The following RREB1 variants were observed in gnomAD, a reference collection of about 807,000 sequenced individuals.
RREB1 encodes the protein ras-responsive element-binding protein 1.
RREB1 carries 27 observed loss-of-function variants against 117.8 expected under a neutral mutation model. That is an observed-to-expected ratio of 0.23 (90% confidence interval 0.17 to 0.32). RREB1 has a LOEUF of 0.32. Ranked by LOEUF, RREB1 falls within the 10% of genes least tolerant of loss-of-function variation. The pLI is 1.00. For missense variants in RREB1, 2,577 were observed against 2,378.2 expected (o/e 1.08, Z -1.74); for synonymous variants, 1,298 against 1,026.7 (o/e 1.26, Z -5.05).
At chr6:7,228,262 T>C (rs1767701807) in intron 9 of RREB1, among the ~76,000 whole-genome samples, 1 of 151,804 alleles carries the variant, frequency 6.6e-6, no homozygotes, top group Admixed American at 6.6e-5. Context: ...TCCACAATCA[T>C]AGAGGGGTAG....
chr6:7,110,269 G>T (rs953618079), intron 1 of RREB1, among the ~76,000 whole-genome samples: 11 of 152,170 alleles, frequency 7.2e-5, no homozygotes, highest in Non-Finnish European at 1.5e-4. Context: ...TAGATTTGGT[G>T]CTTTTTCAAG....
chr6:7,241,101 G>A (rs1768679985), intron 11 of RREB1, among the ~76,000 whole-genome samples: 1 of 152,132 alleles, frequency 6.6e-6, no homozygotes, highest in Non-Finnish European at 1.5e-5. Flanking sequence ...TCTTCCCGGT[G>A]TAAGACTGTC....
chr6:7,123,610 CT>C lies in RREB1; in HGVS notation c.-285+15568del, dbSNP rs5874079. Among the ~76,000 whole-genome samples, 351 of 122,846 alleles carry C rather than the reference CT, an allele frequency of 2.9e-3. 2 individuals carry two copies. The highest frequency in any genetic ancestry group is 6.4e-3 in the East Asian group (29 of 4,518). 80.6% of individuals were successfully genotyped at this position (122,846 alleles called of 152,430 possible). A position where few individuals can be genotyped will look rare whatever the true frequency, so the allele number is the denominator to read the frequency against. On this transcript the variant is annotated intron_variant, in intron 1 of 12. Transcript: ENST00000379938. ...AGTTAGGCCAGGCCATGTGATGTGTCTTTTTTTTTTTTTTTTTTGAGATGGA... is the reference window on the plus strand; with the variant it reads ...AGTTAGGCCAGGCCATGTGATGTGTCTTTTTTTTTTTTTTTTTGAGATGGA...
chr6:7,210,300 G>T (rs1399270440), intron 6 of RREB1, among the ~76,000 whole-genome samples: 12 of 152,188 alleles, frequency 7.9e-5, no homozygotes, highest in African/African-American at 2.9e-4. Flanking sequence ...CTGGACATTT[G>T]CTCTGTTAGC....
Position 7,189,267 on chromosome 6 carries a change from C to G in RREB1, c.370C>G (p.Pro124Ala). 1 of 1,607,322 alleles carries G rather than the reference C, an allele frequency of 6.2e-7. No homozygotes were observed. The highest frequency in any genetic ancestry group is 8.5e-7 in the Non-Finnish European group (1 of 1,176,536). ...CATGCTGGTGCACTCTGGCGAGAGG[C>G]CTTACAAGTGCACTGTGTGTGGCCA... Reference protein sequence around the residue: ...RHMLVHSGERPYKCTVCGQSF... With the variant: ...RHMLVHSGERAYKCTVCGQSF... Residue 124 changes from proline (P) to alanine (A), a missense_variant, in exon 6 of 13, where the codon CCT (proline) becomes GCT (alanine). Coordinates refer to ENST00000379938, the MANE Select transcript of RREB1 (RefSeq NM_001003699.4).
At chr6:7,184,363 A>G (rs2113537905) in intron 4 of RREB1, 1 of 150,772 alleles carries the variant, frequency 6.6e-6, no homozygotes, top group East Asian at 1.9e-4. Context: ...CATAAACTAT[A>G]CAGCTAATGT....
Position 7,230,139 on chromosome 6 carries a change from C to T in RREB1, c.2040C>T (p.Ala680=), listed in dbSNP as rs368458629. 6.9e-6 allele frequency: 11 copies of T among 1,604,840 alleles called. No homozygotes were observed. Among genetic ancestry groups the T allele is most frequent in the African/African-American group, 6.7e-5 (5 of 74,866 alleles). ...PYQCNICDYI[A]ADKAALIRHL... is the part of the protein sequence containing the mutation. ...AGTGCAACATCTGCGACTACATCGC[C>T]GCCGACAAGGCCGCGCTCATCCGCC... Residue 680 remains alanine (A), a synonymous_variant, in exon 10 of 13, where the codon GCC becomes GCT. Coordinates refer to ENST00000379938, the MANE Select transcript of RREB1 (RefSeq NM_001003699.4).
intron 1 of RREB1, among the ~76,000 whole-genome samples, chr6:7,120,065 T>C (rs1393515422): frequency 6.6e-6 from 1 of 152,106 alleles, no homozygotes; most frequent in African/African-American, 2.4e-5. Flanking sequence ...GTTCTCTACC[T>C]TTTAAAGAGC....
chr6:7,108,388 A>C (rs1760940303), intron 1 of RREB1, among the ~76,000 whole-genome samples: 1 of 150,314 alleles, frequency 6.7e-6, no homozygotes. Context: ...TCTGCCAACC[A>C]GCTCCCAGCG....
intron 1 of RREB1, among the ~76,000 whole-genome samples, chr6:7,161,423 T>A (rs1210494601): frequency 6.6e-6 from 1 of 152,192 alleles, no homozygotes. Context: ...AATTAAAGAC[T>A]GCAGATGTTC....
chr6:7,124,652 C>CT (rs1272441121), intron 1 of RREB1, among the ~76,000 whole-genome samples: 5 of 152,220 alleles, frequency 3.3e-5, no homozygotes, highest in African/African-American at 4.8e-5. Flanking sequence ...GGTTGTTAGG[C>CT]TTTTCATGTA....
At chr6:7,238,284 C>G (rs1204940302) in intron 10 of RREB1, among the ~76,000 whole-genome samples, 7 of 152,224 alleles carry the variant, frequency 4.6e-5, no homozygotes, top group African/African-American at 1.7e-4. Flanking sequence ...GTCGCCCAGG[C>G]TAGAGTGCAG....
In RREB1 at chr6:7,246,495, C is replaced by A; in HGVS notation, c.4045C>A (p.Gln1349Lys). 6.5e-7 allele frequency: 1 copy of A among 1,543,542 alleles called. No individual in the cohort carries two copies. Among genetic ancestry groups the A allele is most frequent in the South Asian group, 1.2e-5 (1 of 83,838 alleles). ...AGACCTCACCTCACGGGACAGAGAGCAGCCGTCGGAGGGCGCCACTGAGCT... is the reference window on the plus strand; with the variant it reads ...AGACCTCACCTCACGGGACAGAGAGAAGCCGTCGGAGGGCGCCACTGAGCT... ...VLDLTSRDREQPSEGATELRQ... is the reference protein window; with the variant it reads ...VLDLTSRDREKPSEGATELRQ... Residue 1349 changes from glutamine (Q) to lysine (K), a missense_variant, in exon 12 of 13, where the codon CAG becomes AAG. By Grantham distance (53) the Gln-to-Lys change is moderately conservative (BLOSUM62 1). Coordinates refer to ENST00000379938, the MANE Select transcript of RREB1 (RefSeq NM_001003699.4).
intron 1 of RREB1, among the ~76,000 whole-genome samples, chr6:7,128,160 G>A (rs77646868): frequency 0.041 from 6,214 of 152,210 alleles, 171 homozygotes; most frequent in Middle Eastern, 0.068. Context: ...ATGGGGGTAG[G>A]CCTCCTGTAA....
chr6:7,192,092 A>G (rs1765430964), intron 6 of RREB1, among the ~76,000 whole-genome samples: 1 of 138,584 alleles, frequency 7.2e-6, no homozygotes, highest in African/African-American at 2.8e-5. Context: ...TTTATTATGA[A>G]AAGGTATTGG....
chr6:7,139,578 C>G (rs2113379129), intron 1 of RREB1, among the ~76,000 whole-genome samples: 1 of 152,134 alleles, frequency 6.6e-6, no homozygotes, highest in East Asian at 1.9e-4. Context: ...TGTAGCTATT[C>G]AAACAAATAA....
In RREB1 at chr6:7,230,193, C is replaced by G. The variant is rs115313893; in HGVS notation, c.2094C>G (p.Pro698=). ...RHLRTHSGER[P]YICKICHYPF... ...TGCGCACGCACAGTGGGGAGCGGCC[C>G]TACATTTGCAAGATCTGCCACTACC... The change falls in exon 10 of 13, where the codon CCC becomes CCG. Residue 698 remains proline (P), a synonymous_variant. Coordinates refer to ENST00000379938, the MANE Select transcript of RREB1 (RefSeq NM_001003699.4). 1.2e-6 allele frequency: 2 copies of G among 1,606,276 alleles called. No individual in the cohort carries two copies. Among genetic ancestry groups the G allele is most frequent in the Non-Finnish European group, 1.7e-6 (2 of 1,179,934 alleles).
chr6:7,170,025 A>G (rs762819362), intron 1 of RREB1, among the ~76,000 whole-genome samples: 1 of 152,204 alleles, frequency 6.6e-6, no homozygotes, highest in Non-Finnish European at 1.5e-5. Context: ...CATGGAACCT[A>G]TTACTCTGCA....
At chr6:7,181,389 T>G (rs541122730) in intron 3 of RREB1, 143 bp downstream of exon 3, 137 of 401,580 alleles carry the variant, frequency 3.4e-4, no homozygotes, top group African/African-American at 2.3e-3. Flanking sequence ...CTTAAATCTC[T>G]TATAAAATTC....
Sources: allele counts gnomAD v4.1 joint callset (sites outside exome capture counted in the v4.1 genomes callset), GRCh38; gene constraint gnomAD v4.1.1; transcripts MANE v1.5; gene names NCBI Gene and HGNC (gene_info 2026-07-23, HGNC 2026-07-21).